MLIP: variants seen among roughly 807,000 people sequenced by gnomAD.
MLIP encodes the protein muscular LMNA interacting protein, also known as muscular LMNA-interacting protein.
A neutral mutation model predicts 84.8 loss-of-function variants in MLIP; 79 were observed. The observed-to-expected ratio is 0.93, with a 90% confidence interval of 0.78 to 1.12. The LOEUF is 1.12. Among genes scored for constraint, MLIP ranks in the 50% most tolerant of loss-of-function variants. MLIP has a pLI of 0.00. For missense variants in MLIP, 1,257 were observed against 1,160.6 expected (o/e 1.08, Z -1.21); for synonymous variants, 504 against 463.0 (o/e 1.09, Z -1.14).
At chr6:54,252,236 A>T (rs1367129822) in intron 12 of MLIP, among the ~76,000 whole-genome samples, 1 of 113,190 alleles carries the variant, frequency 8.8e-6, no homozygotes, top group African/African-American at 3.7e-5. Flanking sequence ...ATAACATATA[A>T]TATATAAGTA....
intron 11 of MLIP, among the ~76,000 whole-genome samples, chr6:54,205,474 T>C (rs1038102179): frequency 1.3e-5 from 2 of 152,240 alleles, no homozygotes; most frequent in Non-Finnish European, 2.9e-5. Flanking sequence ...GTTAAGTCAA[T>C]AAATTTTTCC....
chr6:54,221,931 T>A (rs998586761), intron 11 of MLIP, among the ~76,000 whole-genome samples: 1 of 152,010 alleles, frequency 6.6e-6, no homozygotes, highest in African/African-American at 2.4e-5. Flanking sequence ...AATTTATAAA[T>A]TAATAACAAA....
At chr6:54,110,184 C>T (rs1052860674), upstream of MLIP, among the ~76,000 whole-genome samples, 2 of 151,840 alleles carry the variant, frequency 1.3e-5, no homozygotes, top group African/African-American at 4.8e-5. Context: ...AGGGTTTCAC[C>T]ATATAAGCCA....
intron 5 of MLIP, among the ~76,000 whole-genome samples, chr6:54,160,102 G>T (rs1048763344): frequency 6.6e-6 from 1 of 152,018 alleles, no homozygotes; most frequent in African/African-American, 2.4e-5. Flanking sequence ...AATAAATGAT[G>T]TTGAGAAAAC....
intron 9 of MLIP, among the ~76,000 whole-genome samples, chr6:54,176,252 A>G (rs552075282): frequency 4.0e-4 from 61 of 150,698 alleles, no homozygotes; most frequent in Non-Finnish European, 8.1e-4. Flanking sequence ...ATAGAATGAG[A>G]TTTGTAGTAT....
intron 5 of MLIP, among the ~76,000 whole-genome samples, chr6:54,149,710 G>A (rs574845061): frequency 1.3e-3 from 199 of 152,258 alleles, no homozygotes; most frequent in African/African-American, 4.8e-3. Context: ...GGAAGACTGA[G>A]ATGACTCTCA....
chr6:54,252,311 T>C (rs1358063150), intron 12 of MLIP, among the ~76,000 whole-genome samples: 1 of 118,200 alleles, frequency 8.5e-6, no homozygotes, highest in Non-Finnish European at 1.6e-5. Context: ...ATATATAATA[T>C]AACTATAATA....
chr6:54,162,662 A>G (rs1289452302), intron 8 of MLIP, among the ~76,000 whole-genome samples: 1 of 151,928 alleles, frequency 6.6e-6, no homozygotes, highest in Admixed American at 6.6e-5. Context: ...AGGAGAGAGA[A>G]TACTGCAGGT....
At chr6:54,142,417 T>C (rs1440947776) in intron 4 of MLIP, among the ~76,000 whole-genome samples, 2 of 152,168 alleles carry the variant, frequency 1.3e-5, no homozygotes, top group African/African-American at 4.8e-5. Context: ...TGTTGGGGTA[T>C]TGGGATAGGT....
At chr6:54,115,975 T>C (rs1769882457) in intron 1 of MLIP, among the ~76,000 whole-genome samples, 1 of 152,190 alleles carries the variant, frequency 6.6e-6, no homozygotes, top group African/African-American at 2.4e-5. Flanking sequence ...TTTTAATTGC[T>C]CACTGAATTC....
chr6:54,086,864 C>T lies in MLIP; in HGVS notation c.64-34583C>T, dbSNP rs192593489. 1.5e-4 allele frequency among the ~76,000 whole-genome samples: 23 copies of T among 152,304 alleles called. No individual in the cohort carries two copies. In the East Asian group the frequency reaches 3.8e-3, roughly 25 times the overall value. The stretch of plus-strand genomic sequence containing the variant: ...TTCTTAAAAGTCACCTCCAAGGAAG[C>T]CTTCTCTGTCCAACCTATTGAAATC... On this transcript the variant is annotated intron_variant, in intron 1 of 12. Transcript: ENST00000274897.
chr6:54,157,833 T>C (rs995575480), intron 5 of MLIP, among the ~76,000 whole-genome samples: 2 of 152,044 alleles, frequency 1.3e-5, no homozygotes, highest in African/African-American at 4.8e-5. Flanking sequence ...TTTTAAAGAA[T>C]GATGAAAGAA....
intron 1 of MLIP, among the ~76,000 whole-genome samples, chr6:54,098,463 G>T (rs548611902): frequency 7.9e-4 from 120 of 151,186 alleles, no homozygotes; most frequent in African/African-American, 2.9e-3. Flanking sequence ...CACTGTGCTC[G>T]GCTGGGTCTT....
intron 10 of MLIP, among the ~76,000 whole-genome samples, chr6:54,191,698 G>A (rs999265020): frequency 4.6e-5 from 7 of 152,162 alleles, no homozygotes; most frequent in African/African-American, 1.7e-4. Flanking sequence ...AGTTGAAGGA[G>A]TTGCCATGGA....
chr6:54,223,896 T>C (rs1338347901), intron 11 of MLIP, among the ~76,000 whole-genome samples: 1 of 152,008 alleles, frequency 6.6e-6, no homozygotes, highest in African/African-American at 2.4e-5. Flanking sequence ...TTATTGTCTA[T>C]TAGAACTGAT....
intron 12 of MLIP, among the ~76,000 whole-genome samples, chr6:54,254,791 C>G (rs79881037): frequency 0.078 from 11,199 of 143,912 alleles, 553 homozygotes; most frequent in East Asian, 0.19. Context: ...CTTCCCCCCC[C>G]ACTTTCCTGC....
chr6:54,063,580 A>T (rs1203328719), intron 1 of MLIP, among the ~76,000 whole-genome samples: 2 of 152,214 alleles, frequency 1.3e-5, no homozygotes, highest in Admixed American at 6.6e-5. Context: ...TAAACAATTT[A>T]AAACATTTGG....
chr6:54,109,920 TCTTTCTTCCTTC>T (rs1163148186), upstream of MLIP, among the ~76,000 whole-genome samples: 22 of 52,162 alleles, frequency 4.2e-4, no homozygotes, highest in African/African-American at 9.6e-4. Context: ...TTTCTTTCTT[TCTTTCTTCCTTC>T]CTTCCTTCCT....
At position 54,137,283 on chromosome 6, in the gene MLIP, G is replaced by C; in HGVS notation, c.1214G>C (p.Gly405Ala). 6.5e-7 allele frequency: 1 copy of C among 1,535,874 alleles called. No individual in the cohort carries two copies. The change falls in exon 4 of 14, where the codon GGG becomes GCG. Residue 405 changes from glycine (G) to alanine (A), a missense_variant. Transcript: ENST00000502396. ...TCTAGTGGAAATCTTTCAAAGTCAG[G>C]GGTAAAATCCCCGGTGCCTTCCCGG... ...MSSSGNLSKS[G>A]VKSPVPSRLA... is the part of the protein sequence containing the mutation.
Sources: gnomAD v4.1 joint callset for allele counts (sites outside exome capture counted in the v4.1 genomes callset) on GRCh38, gnomAD v4.1.1 for gene constraint, MANE v1.5 for transcripts, NCBI Gene and HGNC (gene_info 2026-07-23, HGNC 2026-07-21) for gene names.